RIMS1: variants seen among roughly 807,000 people sequenced by gnomAD.
RIMS1 encodes regulating synaptic membrane exocytosis protein 1.
RIMS1 carries 83 observed loss-of-function variants against 214.1 expected under a neutral mutation model. The observed-to-expected ratio is 0.39, with a 90% CI of 0.32 to 0.47. The LOEUF is 0.47. Among genes scored for constraint, RIMS1 ranks in the 20% least tolerant of loss-of-function variants. The probability of loss-of-function intolerance (pLI) is 0.99; values close to 1 mark genes in which losing one functional copy is unlikely to be tolerated. For synonymous variants in RIMS1, 793 were observed against 786.8 expected, an observed-to-expected ratio of 1.01 and a Z score of -0.13; for missense variants, 2,050 against 2,161.8, an observed-to-expected ratio of 0.95 and a Z score of 1.03.
At chr6:72,131,543 C>T (rs760354066) in intron 4 of RIMS1, among the ~76,000 whole-genome samples, 2 of 151,952 alleles carry the variant, frequency 1.3e-5, no homozygotes, top group Non-Finnish European at 1.5e-5. Context: ...GGGAGTGTAC[C>T]GATAGGGTGT....
chr6:72,007,145 G>T (rs539642720), intron 2 of RIMS1, among the ~76,000 whole-genome samples: 1 of 152,164 alleles, frequency 6.6e-6, no homozygotes, highest in Non-Finnish European at 1.5e-5. Context: ...GAACGATCAC[G>T]CAGCAACATT....
At chr6:71,941,782 C>G (rs1207794523) in intron 1 of RIMS1, among the ~76,000 whole-genome samples, 8 of 152,170 alleles carry the variant, frequency 5.3e-5, no homozygotes, top group Admixed American at 5.2e-4. Context: ...CATTATCTTT[C>G]AGAACTCATA....
At chr6:72,027,894 G>A (rs149716105) in intron 2 of RIMS1, among the ~76,000 whole-genome samples, 29 of 152,114 alleles carry the variant, frequency 1.9e-4, no homozygotes, top group Middle Eastern at 3.4e-3. Flanking sequence ...AGTCTTGATT[G>A]TTGTCTTTTG....
chr6:72,350,096 T>G (rs1233922654), intron 29 of RIMS1, among the ~76,000 whole-genome samples: 1 of 152,130 alleles, frequency 6.6e-6, no homozygotes, highest in East Asian at 1.9e-4. Context: ...TGGATCATTC[T>G]TTATTCTCTT....
At chr6:72,142,708 A>G (rs938903322) in intron 4 of RIMS1, among the ~76,000 whole-genome samples, 2 of 152,152 alleles carry the variant, frequency 1.3e-5, no homozygotes, top group Admixed American at 6.5e-5. Context: ...TATCATTTCC[A>G]TGGTAACTAA....
chr6:72,196,599 T>TTTTTTTTTTTTTTTTTC (rs2051008929), intron 6 of RIMS1, among the ~76,000 whole-genome samples: 1 of 137,606 alleles, frequency 7.3e-6, no homozygotes, highest in Non-Finnish European at 1.6e-5. Flanking sequence ...TTTTTTTTTT[T>TTTTTTTTTTTTTTTTTC]TTTTACCTAT....
intron 2 of RIMS1, among the ~76,000 whole-genome samples, chr6:72,009,156 C>T (rs1809186755): frequency 6.6e-6 from 1 of 152,158 alleles, no homozygotes; most frequent in Non-Finnish European, 1.5e-5. Flanking sequence ...AACTAGAACT[C>T]AGGATTAAGA....
intron 24 of RIMS1, among the ~76,000 whole-genome samples, chr6:72,288,091 T>C (rs541681753): frequency 1.3e-5 from 2 of 152,300 alleles, no homozygotes; most frequent in African/African-American, 2.4e-5. Context: ...TTTCTCATGA[T>C]ACACAAACAA....
Position 72,353,277 on chromosome 6 carries a change from G to A in RIMS1, c.4366+19442G>A, listed in dbSNP as rs925091349. Among the ~76,000 whole-genome samples, 6 of 152,154 alleles carry A rather than the reference G, an allele frequency of 3.9e-5. No individual in the cohort carries two copies. The South Asian group carries it at 6.2e-4, about 16-fold the overall frequency. ...TGGGATTACAGGCATGAGCCACCACGTCCGGCTGAGTTTAAATTCTGTTCT... is the reference window on the plus strand; with the variant it reads ...TGGGATTACAGGCATGAGCCACCACATCCGGCTGAGTTTAAATTCTGTTCT... On this transcript the variant is annotated intron_variant, in intron 29 of 33. Transcript: ENST00000521978.
At chr6:71,945,259 A>G (rs1787435349) in intron 1 of RIMS1, among the ~76,000 whole-genome samples, 1 of 152,210 alleles carries the variant, frequency 6.6e-6, no homozygotes, top group African/African-American at 2.4e-5. Context: ...AAAGACAGAA[A>G]GACAGCTATG....
rs541240155 is a variant in RIMS1, at chr6:72,157,731, T to G, written c.472-21844T>G. ...TTGTTTACACAGTCCATTGTGATGA[T>G]TGTTTAAATGGGAAAATTTAATTTT... On this transcript the variant is annotated intron_variant, in intron 4 of 33. Transcript: ENST00000521978. Among the ~76,000 whole-genome samples, 4 of 140,678 alleles carry G rather than the reference T, an allele frequency of 2.8e-5. 1 individual carries two copies. Among genetic ancestry groups the G allele is most frequent in the Non-Finnish European group, 6.5e-5 (4 of 61,834 alleles). The allele number at this position is 140,678 out of a possible 152,430, so 92.3% of individuals were successfully genotyped here.
intron 4 of RIMS1, among the ~76,000 whole-genome samples, chr6:72,133,919 T>C (rs958993914): frequency 3.9e-5 from 6 of 152,176 alleles, no homozygotes; most frequent in Non-Finnish European, 8.8e-5. Context: ...TGCATACTTA[T>C]AAGTTGGATA....
At chr6:72,221,798 ACTATAATTT>A (rs755305864) in intron 6 of RIMS1, among the ~76,000 whole-genome samples, 1 of 151,610 alleles carries the variant, frequency 6.6e-6, no homozygotes, top group Admixed American at 6.6e-5. Context: ...TATTATAATT[ACTATAATTT>A]GGTATTTCTC....
intron 4 of RIMS1, among the ~76,000 whole-genome samples, chr6:72,138,231 T>G (rs1277099228): frequency 4.6e-5 from 7 of 152,206 alleles, no homozygotes; most frequent in Non-Finnish European, 1.0e-4. Context: ...AGAAGTTAAT[T>G]GATATATACA....
chr6:71,918,919 A>G (rs1009993406), intron 1 of RIMS1, among the ~76,000 whole-genome samples: 4 of 152,132 alleles, frequency 2.6e-5, no homozygotes, highest in Admixed American at 2.6e-4. Flanking sequence ...CTGGGCAAGA[A>G]AGAGAGAAGG....
chr6:72,292,080 C>T, intron 26 of RIMS1, 34 bp downstream of exon 26: 1 of 1,450,072 alleles, frequency 6.9e-7, no homozygotes, highest in Admixed American at 2.1e-5. Context: ...GTCCAAAAAT[C>T]TTGGATTTGA....
At chr6:72,308,262 A>T (rs947868174) in intron 27 of RIMS1, among the ~76,000 whole-genome samples, 2 of 152,112 alleles carry the variant, frequency 1.3e-5, no homozygotes, top group African/African-American at 2.4e-5. Flanking sequence ...TAAACTGCTA[A>T]TATCTGATAA....
At chr6:72,044,510 A>G (rs1417137400) in intron 2 of RIMS1, among the ~76,000 whole-genome samples, 2 of 151,882 alleles carry the variant, frequency 1.3e-5, no homozygotes, top group Non-Finnish European at 2.9e-5. Flanking sequence ...ACCAAAAATA[A>G]CTAAATAATA....
At chr6:72,392,578 A>C in intron 30 of RIMS1, 120 bp from the exon 31 acceptor site, 1 of 765,894 alleles carries the variant, frequency 1.3e-6, no homozygotes, top group Non-Finnish European at 2.3e-6. Flanking sequence ...AATTAAAAAA[A>C]CAGATTGTCT....
Sources: allele counts gnomAD v4.1 joint callset (sites outside exome capture counted in the v4.1 genomes callset), GRCh38; gene constraint gnomAD v4.1.1; transcripts MANE v1.5; gene names NCBI Gene and HGNC (gene_info 2026-07-23, HGNC 2026-07-21).